The following CCDC171 variants were observed in gnomAD, a reference collection of about 807,000 sequenced individuals.
CCDC171 encodes coiled-coil domain containing 171.
In CCDC171, 177 loss-of-function variants were observed where a neutral mutation model predicts 168.2. The observed-to-expected ratio is 1.05, with a 90% CI of 0.93 to 1.19. The LOEUF (loss-of-function observed/expected upper bound fraction) is 1.19, where lower values mean the gene tolerates loss of function less well. Ranked by LOEUF, CCDC171 falls within the 50% of genes most tolerant of loss-of-function variation. CCDC171 has a pLI of 0.00. For synonymous variants in CCDC171, 687 were observed against 540.8 expected (o/e 1.27, Z -3.75); for missense variants, 1,991 against 1,539.0 (o/e 1.29, Z -4.91).
chr9:15,838,273 A>G lies in CCDC171; in HGVS notation c.3268-8429A>G, dbSNP rs1198932633. Among the ~76,000 whole-genome samples the G allele has an allele frequency of 2.0e-5, 3 of 152,208 alleles. No individual in the cohort carries two copies. The South Asian group carries it at 6.2e-4, about 31-fold the overall frequency. ...CAGTTCTTTGAAAATCATTTTTAACATAGTATATCATTGTATCTTTTACTC... is the reference window on the plus strand; with the variant it reads ...CAGTTCTTTGAAAATCATTTTTAACGTAGTATATCATTGTATCTTTTACTC... On this transcript the variant is annotated intron_variant, in intron 21 of 25. Transcript: ENST00000380701.
intron 7 of CCDC171, among the ~76,000 whole-genome samples, chr9:15,640,287 A>G (rs1244864077): frequency 2.0e-5 from 3 of 152,264 alleles, no homozygotes; most frequent in African/African-American, 7.2e-5. Context: ...CTTCTCTTTT[A>G]CATGGCAGTT....
At chr9:15,845,626 T>C (rs1316509658) in intron 21 of CCDC171, 1 of 152,070 alleles carries the variant, frequency 6.6e-6, no homozygotes, top group East Asian at 1.9e-4. Flanking sequence ...CATTTTTGTT[T>C]ATTCTTTACT....
At chr9:15,570,357 C>A (rs74379690) in intron 2 of CCDC171, among the ~76,000 whole-genome samples, 15 of 151,466 alleles carry the variant, frequency 9.9e-5, no homozygotes, top group South Asian at 2.1e-4. Context: ...GGATGATATA[C>A]TCCTATTTTT....
Position 15,734,948 on chromosome 9 carries a change from T to G in CCDC171, c.2049+5150T>G, listed in dbSNP as rs369552741. Among the ~76,000 whole-genome samples, 12 of 152,152 alleles carry G rather than the reference T, an allele frequency of 7.9e-5. No homozygotes were observed. The East Asian group carries it at 1.5e-3, about 20-fold the overall frequency. ...GGAAACAAATGACCTATTCTTAGAG[T>G]CTTATGTTTAATATTTGGCCATTGT... On this transcript the variant is annotated intron_variant, in intron 16 of 25. Coordinates refer to ENST00000380701, the MANE Select transcript of CCDC171 (RefSeq NM_173550.4).
intron 10 of CCDC171, among the ~76,000 whole-genome samples, chr9:15,683,555 T>C (rs1304726082): frequency 6.6e-6 from 1 of 152,058 alleles, no homozygotes; most frequent in Non-Finnish European, 1.5e-5. Flanking sequence ...AATATCACTT[T>C]CCGTTTCTCT....
intron 7 of CCDC171, among the ~76,000 whole-genome samples, chr9:15,643,806 A>G (rs1051599158): frequency 2.6e-5 from 4 of 152,200 alleles, no homozygotes; most frequent in Non-Finnish European, 4.4e-5. Context: ...GACAATTCTT[A>G]TCAATGAAAT....
intron 6 of CCDC171, among the ~76,000 whole-genome samples, chr9:15,611,834 A>G (rs2043720069): frequency 6.6e-6 from 1 of 152,132 alleles, no homozygotes; most frequent in African/African-American, 2.4e-5. Flanking sequence ...CTTCAAGGTT[A>G]GCTGTTTTGC....
At chr9:15,748,625 T>C (rs1292774346) in intron 18 of CCDC171, among the ~76,000 whole-genome samples, 2 of 152,224 alleles carry the variant, frequency 1.3e-5, no homozygotes, top group Admixed American at 6.5e-5. Context: ...AGCGGATCTC[T>C]TAGCAGAAAC....
At chr9:15,948,747 G>A (rs1159378916) in intron 25 of CCDC171, among the ~76,000 whole-genome samples, 1 of 151,158 alleles carries the variant, frequency 6.6e-6, no homozygotes, top group African/African-American at 2.4e-5. Flanking sequence ...AGTAGGTTGC[G>A]AAGATTTTCT....
intron 24 of CCDC171, among the ~76,000 whole-genome samples, chr9:15,902,756 A>G (rs1488022720): frequency 1.3e-5 from 2 of 152,234 alleles, no homozygotes; most frequent in Admixed American, 6.5e-5. Context: ...TGGGAAGCAC[A>G]AGGGGTCAGG....
At chr9:15,705,376 A>ATGGC (rs1488859710) in intron 11 of CCDC171, among the ~76,000 whole-genome samples, 5 of 152,168 alleles carry the variant, frequency 3.3e-5, no homozygotes, top group South Asian at 2.1e-4. Flanking sequence ...AATGGTATCA[A>ATGGC]TGGCTTGCTT....
intron 7 of CCDC171, among the ~76,000 whole-genome samples, chr9:15,655,776 A>T (rs951026758): frequency 4.6e-5 from 7 of 152,356 alleles, no homozygotes; most frequent in East Asian, 1.9e-4. Flanking sequence ...TTCAAAGAAG[A>T]TACACAGTTG....
chr9:15,847,436 T>C (rs1027316690), intron 22 of CCDC171, among the ~76,000 whole-genome samples: 4 of 152,084 alleles, frequency 2.6e-5, no homozygotes, highest in African/African-American at 9.7e-5. Context: ...GAAAGTGTTT[T>C]TCCTTTTTTA....
intron 18 of CCDC171, among the ~76,000 whole-genome samples, chr9:15,774,725 A>G (rs2057215557): frequency 6.6e-6 from 1 of 152,248 alleles, no homozygotes; most frequent in South Asian, 2.1e-4. Flanking sequence ...TCAATCAACA[A>G]GTGGGTAAAG....
intron 24 of CCDC171, chr9:15,888,955 T>TTC (rs1563944401): frequency 1.1e-5 from 1 of 91,308 alleles, no homozygotes; most frequent in Non-Finnish European, 2.3e-5. Flanking sequence ...TTTTCTTTTT[T>TTC]TTTTTTTTTT....
intron 16 of CCDC171, among the ~76,000 whole-genome samples, chr9:15,731,355 C>T (rs898367968): frequency 1.3e-5 from 2 of 152,084 alleles, no homozygotes; most frequent in Non-Finnish European, 2.9e-5. Context: ...CATGTTCTCT[C>T]TTCCAGTCAG....
intron 7 of CCDC171, among the ~76,000 whole-genome samples, chr9:15,632,880 T>A (rs1265699920): frequency 6.6e-6 from 1 of 152,102 alleles, no homozygotes; most frequent in Non-Finnish European, 1.5e-5. Context: ...TATCTATGAC[T>A]ATCTGATCTT....
At chr9:15,829,803 C>A (rs1254930505) in intron 21 of CCDC171, among the ~76,000 whole-genome samples, 1 of 151,946 alleles carries the variant, frequency 6.6e-6, no homozygotes, top group Admixed American at 6.6e-5. Context: ...GCCTATAGTC[C>A]AAGCTACTCA....
the CCDC171 span, among the ~76,000 whole-genome samples, chr9:16,107,997 C>A: frequency 6.6e-6 from 1 of 152,056 alleles, no homozygotes; most frequent in African/African-American, 2.4e-5. Flanking sequence ...TAGAGTACTA[C>A]GCATAATAAA....
Sources: allele counts gnomAD v4.1 joint callset (sites outside exome capture counted in the v4.1 genomes callset), GRCh38; gene constraint gnomAD v4.1.1; transcripts MANE v1.5; gene names NCBI Gene and HGNC (gene_info 2026-07-23, HGNC 2026-07-21).